The following DLG2 variants were observed in gnomAD, a reference collection of about 807,000 sequenced individuals.
DLG2 encodes discs large MAGUK scaffold protein 2, also known as disks large homolog 2.
In DLG2, 45 loss-of-function variants were observed where a neutral mutation model predicts 132.5. That is an observed-to-expected ratio of 0.34 (90% confidence interval 0.27 to 0.44). The LOEUF is 0.44. Among genes scored for constraint, DLG2 ranks in the 20% least tolerant of loss-of-function variants. The pLI, the probability that DLG2 is intolerant of heterozygous loss-of-function variation, is 1.00. For missense variants in DLG2, 1,045 were observed against 1,196.9 expected, an observed-to-expected ratio of 0.87 and a Z score of 1.87; for synonymous variants, 424 against 419.6, an observed-to-expected ratio of 1.01 and a Z score of -0.13.
rs141362361 is a variant in DLG2, at chr11:85,432,720, T to C, written c.41-147355A>G. On this transcript the variant is annotated intron_variant, in intron 3 of 27. Coordinates refer to ENST00000376104, the MANE Select transcript of DLG2 (RefSeq NM_001142699.3). ...TTAGAGTACCTGAAAGAGAGGAGAA[T>C]AGAACCAAATTGGAAAACACACCTT... Among the ~76,000 whole-genome samples the C allele has an allele frequency of 2.6e-5, 4 of 151,904 alleles. No homozygotes were observed. In the East Asian group the frequency reaches 7.7e-4, roughly 29 times the overall value.
At chr11:84,736,118 T>C (rs1327986381) in intron 6 of DLG2, among the ~76,000 whole-genome samples, 2 of 151,854 alleles carry the variant, frequency 1.3e-5, no homozygotes, top group East Asian at 1.9e-4. Flanking sequence ...TGCACATGTA[T>C]ATTTAATTGT....
chr11:84,637,242 T>G (rs1202958774), intron 6 of DLG2, among the ~76,000 whole-genome samples: 1 of 152,140 alleles, frequency 6.6e-6, no homozygotes, highest in Non-Finnish European at 1.5e-5. Context: ...AGAGTTTCCC[T>G]TACAAAGATT....
chr11:84,548,387 T>A (rs1336460906), intron 6 of DLG2, among the ~76,000 whole-genome samples: 1 of 152,120 alleles, frequency 6.6e-6, no homozygotes, highest in Non-Finnish European at 1.5e-5. Context: ...CAGTAACTCA[T>A]CATTTAACGT....
chr11:85,489,375 T>C lies in DLG2; in HGVS notation c.40+109282A>G, dbSNP rs372204082. Among the ~76,000 whole-genome samples, 5 of 152,164 alleles carry C rather than the reference T, an allele frequency of 3.3e-5. No individual in the cohort carries two copies. In the South Asian group the frequency reaches 6.2e-4, roughly 19 times the overall value. On this transcript the variant is annotated intron_variant, in intron 3 of 27. Transcript: ENST00000376104. ...CAAGAGGATATAATCATTCTAAATA[T>C]ATATGCACCCAACACTGCAGCACGC...
intron 23 of DLG2, among the ~76,000 whole-genome samples, chr11:83,472,495 T>C (rs2092170117): frequency 6.6e-6 from 1 of 152,168 alleles, no homozygotes; most frequent in Non-Finnish European, 1.5e-5. Flanking sequence ...TCTGGAGGGC[T>C]GCATCCTTCT....
At chr11:85,517,329 C>T (rs2094189199) in intron 3 of DLG2, among the ~76,000 whole-genome samples, 1 of 152,074 alleles carries the variant, frequency 6.6e-6, no homozygotes. Flanking sequence ...CAATGTCATA[C>T]TGAATGTGGA....
At chr11:84,444,096 C>G (rs1035430235) in intron 7 of DLG2, among the ~76,000 whole-genome samples, 3 of 151,804 alleles carry the variant, frequency 2.0e-5, no homozygotes, top group African/African-American at 7.3e-5. Flanking sequence ...TTATCATCAG[C>G]CAATTAATGC....
At chr11:85,483,032 G>A (rs193126816) in intron 3 of DLG2, among the ~76,000 whole-genome samples, 29 of 152,282 alleles carry the variant, frequency 1.9e-4, no homozygotes, top group East Asian at 1.5e-3. Context: ...AAGACAAAGC[G>A]TAGCAGAAAA....
chr11:84,507,929 A>C lies in DLG2; in HGVS notation c.519+26641T>G, dbSNP rs1313432702. Among the ~76,000 whole-genome samples, 4 of 152,204 alleles carry C rather than the reference A, an allele frequency of 2.6e-5. No individual in the cohort carries two copies. In the East Asian group the frequency reaches 7.7e-4, roughly 29 times the overall value. ...ATAATCTCAGATCTAAAAATGTGAA[A>C]CTTTATTAAGTGATTCTTTTTCTGC... On this transcript the variant is annotated intron_variant, in intron 7 of 27. Coordinates refer to ENST00000376104, the MANE Select transcript of DLG2 (RefSeq NM_001142699.3).
intron 3 of DLG2, among the ~76,000 whole-genome samples, chr11:85,535,530 C>A (rs771217750): frequency 6.6e-6 from 1 of 152,070 alleles, no homozygotes; most frequent in Non-Finnish European, 1.5e-5. Context: ...TCATGTATTG[C>A]TGATGGGATT....
At chr11:84,724,560 G>T (rs1219641654) in intron 6 of DLG2, among the ~76,000 whole-genome samples, 3 of 152,016 alleles carry the variant, frequency 2.0e-5, no homozygotes, top group Admixed American at 2.0e-4. Flanking sequence ...TACAATTCAG[G>T]ACTTTTTTCT....
chr11:85,159,725 C>T (rs1225004703), intron 4 of DLG2, among the ~76,000 whole-genome samples: 2 of 152,216 alleles, frequency 1.3e-5, no homozygotes, highest in Non-Finnish European at 2.9e-5. Context: ...ACTTTTTCTC[C>T]ATTCCTGTTC....
chr11:84,363,025 A>G (rs1183449601), intron 7 of DLG2, among the ~76,000 whole-genome samples: 1 of 151,448 alleles, frequency 6.6e-6, no homozygotes, highest in Non-Finnish European at 1.5e-5. Context: ...GTATATACCC[A>G]GTAATGGGAT....
intron 3 of DLG2, among the ~76,000 whole-genome samples, chr11:85,578,664 A>T (rs191943086): frequency 6.6e-6 from 1 of 152,362 alleles, no homozygotes; most frequent in African/African-American, 2.4e-5. Flanking sequence ...AGAAATGCAA[A>T]TCAAAACTAC....
chr11:83,530,040 T>C (rs1000458313), intron 21 of DLG2, among the ~76,000 whole-genome samples: 10 of 152,036 alleles, frequency 6.6e-5, no homozygotes, highest in African/African-American at 2.4e-4. Flanking sequence ...TGGCACATGG[T>C]AGGTATTCAG....
intron 7 of DLG2, among the ~76,000 whole-genome samples, chr11:84,354,703 C>A (rs2098600538): frequency 6.6e-6 from 1 of 152,126 alleles, no homozygotes; most frequent in Non-Finnish European, 1.5e-5. Context: ...GCCACCTCTG[C>A]AACCCAGAGT....
intron 6 of DLG2, among the ~76,000 whole-genome samples, chr11:84,723,794 G>T (rs190567740): frequency 1.5e-4 from 23 of 152,146 alleles, no homozygotes; most frequent in Middle Eastern, 6.8e-3. Flanking sequence ...ACCTTTCAAT[G>T]ATTGATAAAA....
chr11:84,092,206 AGGTTATTAGGG>A (rs1435074952), intron 10 of DLG2, among the ~76,000 whole-genome samples: 3 of 152,350 alleles, frequency 2.0e-5, no homozygotes, highest in African/African-American at 7.2e-5. Context: ...AAAGGGATGT[AGGTTATTAGGG>A]GGCATCTTAG....
intron 6 of DLG2, among the ~76,000 whole-genome samples, chr11:84,651,695 G>A (rs909853071): frequency 6.6e-6 from 1 of 152,146 alleles, no homozygotes; most frequent in Non-Finnish European, 1.5e-5. Flanking sequence ...TGAGGCATTG[G>A]GAAATGTGTT....
Sources: gnomAD v4.1 joint callset for allele counts (sites outside exome capture counted in the v4.1 genomes callset) on GRCh38, gnomAD v4.1.1 for gene constraint, MANE v1.5 for transcripts, NCBI Gene and HGNC (gene_info 2026-07-23, HGNC 2026-07-21) for gene names.